Variants in SEPTIN10 observed in about 807,000 individuals in gnomAD.
The protein encoded by SEPTIN10 is septin-10.
In SEPTIN10, 66 loss-of-function variants were observed where a neutral mutation model predicts 54.8. That is an observed-to-expected ratio of 1.21 (90% CI 0.99 to 1.48). The LOEUF is 1.48. SEPTIN10 is among the 40% of genes most tolerant of loss of function. The probability of loss-of-function intolerance (pLI) is 0.00; values close to 1 mark genes in which losing one functional copy is unlikely to be tolerated. For missense variants in SEPTIN10, 620 were observed against 545.6 expected, an observed-to-expected ratio of 1.14 and a Z score of -1.36; for synonymous variants, 161 against 181.0, an observed-to-expected ratio of 0.89 and a Z score of 0.89.
intron 8 of SEPTIN10, among the ~76,000 whole-genome samples, 185 bp from the exon 9 acceptor site, chr2:109,553,404 C>G (rs1281133856): frequency 6.6e-6 from 1 of 151,050 alleles, no homozygotes; most frequent in Non-Finnish European, 1.5e-5. Context: ...ATTAGCTGGG[C>G]ATGATAGCAG....
chr2:109,580,470 TAAAC>T (rs1476284108), intron 4 of SEPTIN10, among the ~76,000 whole-genome samples: 1 of 148,826 alleles, frequency 6.7e-6, no homozygotes, highest in Non-Finnish European at 1.5e-5. Context: ...ACCAACCAAA[TAAAC>T]AAAAAAACCA....
intron 1 of SEPTIN10, among the ~76,000 whole-genome samples, chr2:109,609,084 C>T (rs529651223): frequency 6.6e-6 from 1 of 152,144 alleles, no homozygotes; most frequent in East Asian, 1.9e-4. Flanking sequence ...CATAACCTGG[C>T]ACTATGTTAT....
chr2:109,570,736 C>G (rs1264926747), intron 5 of SEPTIN10, among the ~76,000 whole-genome samples: 1 of 152,086 alleles, frequency 6.6e-6, no homozygotes, highest in Non-Finnish European at 1.5e-5. Flanking sequence ...GTTGGCCAGG[C>G]TGGTCTTGAA....
Position 109,613,779 on chromosome 2 carries a change from C to T in SEPTIN10, c.30+19G>A, listed in dbSNP as rs1374462547. 3.6e-5 allele frequency: 44 copies of T among 1,222,066 alleles called. No individual in the cohort carries two copies. The highest frequency in any genetic ancestry group is 4.3e-5 in the Non-Finnish European group (42 of 981,284). 75.7% of individuals were successfully genotyped at this position (1,222,066 alleles called of 1,614,324 possible). On this transcript the variant is annotated intron_variant, in intron 1 of 10. Coordinates refer to ENST00000397712, the MANE Select transcript of SEPTIN10 (RefSeq NM_144710.5). ...GCCGGGGAGCGCGGGGCTGGGGCCCCGGCGTCGGCGGGACTCACCAGGTGC... is the reference window on the plus strand; with the variant it reads ...GCCGGGGAGCGCGGGGCTGGGGCCCTGGCGTCGGCGGGACTCACCAGGTGC...
intron 4 of SEPTIN10, among the ~76,000 whole-genome samples, chr2:109,577,805 C>A (rs201482157): frequency 9.5e-5 from 14 of 147,042 alleles, no homozygotes; most frequent in Non-Finnish European, 1.9e-4. Context: ...ACCAGCTACA[C>A]AGGAGGCTGA....
intron 7 of SEPTIN10, among the ~76,000 whole-genome samples, chr2:109,564,887 C>T (rs1686588772): frequency 6.6e-6 from 1 of 152,170 alleles, no homozygotes; most frequent in African/African-American, 2.4e-5. Context: ...AGACATTTCA[C>T]ATAATGTTTA....
intron 1 of SEPTIN10, among the ~76,000 whole-genome samples, chr2:109,596,474 G>A (rs35226309): frequency 0.36 from 54,204 of 151,792 alleles, 11,303 homozygotes; most frequent in Middle Eastern, 0.55. Context: ...AAAATTAGCC[G>A]AGCGTGCTGG....
At chr2:109,612,405 T>C (rs1699447111) in intron 1 of SEPTIN10, among the ~76,000 whole-genome samples, 2 of 152,198 alleles carry the variant, frequency 1.3e-5, no homozygotes, top group Admixed American at 6.5e-5. Flanking sequence ...TCAATGACAA[T>C]ATGCTGGTTG....
At chr2:109,581,962 A>AC (rs1465039284) in intron 4 of SEPTIN10, among the ~76,000 whole-genome samples, 1 of 152,166 alleles carries the variant, frequency 6.6e-6, no homozygotes, top group East Asian at 1.9e-4. Context: ...CTGATATACA[A>AC]CTTCAGTGAA....
intron 1 of SEPTIN10, among the ~76,000 whole-genome samples, chr2:109,598,725 C>G (rs1558878720): frequency 2.0e-5 from 3 of 151,722 alleles, no homozygotes; most frequent in Non-Finnish European, 4.4e-5. Flanking sequence ...TGCCTGTAAT[C>G]CCAGCTACTC....
chr2:109,574,836 G>C, intron 4 of SEPTIN10, 69 bp from the exon 5 acceptor site: 1 of 1,097,166 alleles, frequency 9.1e-7, no homozygotes, highest in Admixed American at 2.9e-5. Flanking sequence ...GCAACTCTTA[G>C]AAGTTTGAGG....
At chr2:109,546,657 AAC>A (rs376777262) in intron 9 of SEPTIN10, among the ~76,000 whole-genome samples, 37 of 152,292 alleles carry the variant, frequency 2.4e-4, no homozygotes, top group Middle Eastern at 6.8e-3. Flanking sequence ...ATATGCAGTA[AAC>A]AGTTATTGAA....
chr2:109,585,244 A>T lies in SEPTIN10; in HGVS notation c.295T>A (p.Phe99Ile). The change falls in exon 4 of 11, where the codon TTT (phenylalanine) becomes ATT (isoleucine). Residue 99 changes from phenylalanine (F) to isoleucine (I), a missense_variant. Coordinates refer to ENST00000397712, the MANE Select transcript of SEPTIN10 (RefSeq NM_144710.5). ...TNFEDYESSH[F>I]CPNVKLKAQT... ...GCTTTAAGTTTAACATTTGGGCAAAAATGTGAGGATTCATAGTCTTCAAAA... is the reference window on the plus strand; with the variant it reads ...GCTTTAAGTTTAACATTTGGGCAAATATGTGAGGATTCATAGTCTTCAAAA... 1.2e-6 allele frequency: 2 copies of T among 1,613,308 alleles called. No homozygotes were observed. The highest frequency in any genetic ancestry group is 1.7e-6 in the Non-Finnish European group (2 of 1,179,596).
At chr2:109,608,908 T>A (rs1698603489) in intron 1 of SEPTIN10, among the ~76,000 whole-genome samples, 1 of 152,354 alleles carries the variant, frequency 6.6e-6, no homozygotes, top group African/African-American at 2.4e-5. Context: ...ATGCTCAAAA[T>A]CTAAAGCAGA....
At chr2:109,588,839 T>C (rs1429150958) in intron 2 of SEPTIN10, among the ~76,000 whole-genome samples, 1 of 120,330 alleles carries the variant, frequency 8.3e-6, no homozygotes, top group Non-Finnish European at 1.7e-5. Flanking sequence ...AAAGCCTAGG[T>C]CAATTACTAT....
chr2:109,572,582 G>A lies in SEPTIN10; in HGVS notation c.600+1999C>T, dbSNP rs375433331. 7.1e-4 allele frequency among the ~76,000 whole-genome samples: 107 copies of A among 150,226 alleles called. 1 individual carries two copies. The South Asian group carries it at 0.023, about 32-fold the overall frequency. ...GACTGCCTGTTTTATACCCGGACAG[G>A]TAGACTTCAGCTAACTTTTAAAACA... On this transcript the variant is annotated intron_variant, in intron 5 of 10. Transcript: ENST00000397712.
At chr2:109,608,030 T>C (rs527908181) in intron 1 of SEPTIN10, among the ~76,000 whole-genome samples, 1 of 152,374 alleles carries the variant, frequency 6.6e-6, no homozygotes, top group African/African-American at 2.4e-5. Context: ...CAGAACTAGC[T>C]ACTAATTTGT....
At chr2:109,566,080 T>C (rs1686946514) in intron 6 of SEPTIN10, among the ~76,000 whole-genome samples, 1 of 152,090 alleles carries the variant, frequency 6.6e-6, no homozygotes, top group African/African-American at 2.4e-5. Context: ...ATGTAAGGCA[T>C]TATGCTATTG....
At chr2:109,577,588 C>A in intron 4 of SEPTIN10, among the ~76,000 whole-genome samples, 1 of 144,252 alleles carries the variant, frequency 6.9e-6, no homozygotes, top group Non-Finnish European at 1.5e-5. Flanking sequence ...TGAGACTCCA[C>A]CTCAAAATTT....
Sources: gnomAD v4.1 joint callset for allele counts (sites outside exome capture counted in the v4.1 genomes callset) on GRCh38, gnomAD v4.1.1 for gene constraint, MANE v1.5 for transcripts, NCBI Gene and HGNC (gene_info 2026-07-23, HGNC 2026-07-21) for gene names.